The following GREB1L variants were observed in gnomAD, a reference collection of about 807,000 sequenced individuals.
GREB1L encodes the protein GREB1-like protein.
Under a neutral mutation model 200.8 loss-of-function variants are expected in GREB1L, and 17 were observed. That is an observed-to-expected ratio of 0.08 (90% CI 0.06 to 0.13). The LOEUF (loss-of-function observed/expected upper bound fraction) is 0.13, where lower values mean the gene tolerates loss of function less well. GREB1L is among the 10% of genes least tolerant of loss of function. GREB1L has a pLI of 1.00. For synonymous variants in GREB1L, 789 were observed against 893.0 expected (o/e 0.88, Z 2.08); for missense variants, 1,657 against 2,367.7 (o/e 0.70, Z 6.23).
intron 17 of GREB1L, among the ~76,000 whole-genome samples, chr18:21,481,182 G>A (rs1173916355): frequency 6.6e-6 from 1 of 152,046 alleles, no homozygotes; most frequent in Non-Finnish European, 1.5e-5. Flanking sequence ...AAGCTCCGTG[G>A]AAAAGAGAGA....
chr18:21,381,932 G>GT (rs1166308421), intron 2 of GREB1L, among the ~76,000 whole-genome samples: 1 of 152,200 alleles, frequency 6.6e-6, no homozygotes, highest in African/African-American at 2.4e-5. Context: ...CACATTCAGG[G>GT]TGATGGAGCA....
At chr18:21,389,351 T>TTTTC (rs10686798) in intron 4 of GREB1L, among the ~76,000 whole-genome samples, 114 of 145,644 alleles carry the variant, frequency 7.8e-4, no homozygotes, top group Middle Eastern at 3.6e-3. Context: ...TTTTTTTTTT[T>TTTTC]CATCAAATAG....
chr18:21,268,520 T>TACACAC (rs1223067944), intron 1 of GREB1L, among the ~76,000 whole-genome samples: 123 of 74,944 alleles, frequency 1.6e-3, no homozygotes, highest in East Asian at 3.6e-3. Flanking sequence ...TGTATATATA[T>TACACAC]ATACACACAC....
intron 1 of GREB1L, among the ~76,000 whole-genome samples, chr18:21,345,468 G>A (rs1462977089): frequency 6.6e-6 from 1 of 152,144 alleles, no homozygotes; most frequent in Non-Finnish European, 1.5e-5. Flanking sequence ...GAAGTATGAT[G>A]GATCTGTGTT....
intron 1 of GREB1L, among the ~76,000 whole-genome samples, chr18:21,307,547 G>T (rs2038719999): frequency 6.6e-6 from 1 of 152,070 alleles, no homozygotes; most frequent in Admixed American, 6.6e-5. Context: ...TCGTGAATTG[G>T]CACCTTGAAA....
At chr18:21,316,841 A>C (rs1174235171) in intron 1 of GREB1L, 3 of 148,280 alleles carry the variant, frequency 2.0e-5, no homozygotes, top group Non-Finnish European at 4.4e-5. Flanking sequence ...GCTCACTGCA[A>C]CCTCTGCCTC....
At chr18:21,363,296 C>CG (rs1598696076) in intron 1 of GREB1L, among the ~76,000 whole-genome samples, 1 of 111,934 alleles carries the variant, frequency 8.9e-6, no homozygotes, top group Non-Finnish European at 1.9e-5. Flanking sequence ...CGCCCCCCCC[C>CG]CCCCACACAC....
intron 15 of GREB1L, among the ~76,000 whole-genome samples, chr18:21,469,896 A>C (rs536489330): frequency 3.4e-4 from 51 of 152,206 alleles, no homozygotes; most frequent in African/African-American, 1.1e-3. Context: ...CAGTGAGACA[A>C]ACCTCTCCCA....
At chr18:21,501,820 C>G (rs2036807083) in intron 23 of GREB1L, among the ~76,000 whole-genome samples, 1 of 152,106 alleles carries the variant, frequency 6.6e-6, no homozygotes, top group African/African-American at 2.4e-5. Flanking sequence ...AATGCTGGCA[C>G]TATGAACAAA....
At chr18:21,505,105 A>G (rs1305482306) in intron 23 of GREB1L, among the ~76,000 whole-genome samples, 2 of 152,208 alleles carry the variant, frequency 1.3e-5, no homozygotes, top group African/African-American at 4.8e-5. Context: ...ATCTCAAGAC[A>G]GAAATAAGAT....
chr18:21,498,292 G>A (rs1322484832), intron 21 of GREB1L, among the ~76,000 whole-genome samples: 2 of 152,114 alleles, frequency 1.3e-5, no homozygotes, highest in African/African-American at 4.8e-5. Context: ...GGGGTTTGCT[G>A]TTGATAGTGA....
intron 1 of GREB1L, among the ~76,000 whole-genome samples, chr18:21,328,688 A>ATATGTGAG (rs775490705): frequency 1.3e-5 from 2 of 151,958 alleles, no homozygotes; most frequent in Non-Finnish European, 2.9e-5. Flanking sequence ...GCATATGTGA[A>ATATGTGAG]TATGTGTGCA....
intron 10 of GREB1L, among the ~76,000 whole-genome samples, chr18:21,444,003 C>G (rs560765146): frequency 5.3e-5 from 8 of 152,334 alleles, no homozygotes; most frequent in Admixed American, 1.3e-4. Context: ...CATAGAGGGC[C>G]AACTGTATTT....
chr18:21,343,133 GAA>G (rs544057615), intron 1 of GREB1L, among the ~76,000 whole-genome samples: 1 of 139,840 alleles, frequency 7.2e-6, no homozygotes, highest in Admixed American at 7.2e-5. Context: ...TTCTTATCTG[GAA>G]AAAAAAAAAA....
intron 16 of GREB1L, among the ~76,000 whole-genome samples, chr18:21,473,669 C>G (rs540448311): frequency 5.3e-5 from 8 of 152,002 alleles, no homozygotes; most frequent in Middle Eastern, 3.4e-3. Flanking sequence ...TAACTTTTTC[C>G]TACCCTTTTC....
intron 1 of GREB1L, among the ~76,000 whole-genome samples, chr18:21,252,372 A>G (rs184777573): frequency 3.6e-4 from 54 of 151,946 alleles, no homozygotes; most frequent in African/African-American, 1.3e-3. Flanking sequence ...AGCCTAACCA[A>G]CATGGAGAAA....
intron 1 of GREB1L, among the ~76,000 whole-genome samples, chr18:21,305,877 C>T (rs955358766): frequency 3.3e-5 from 5 of 152,154 alleles, no homozygotes; most frequent in Admixed American, 1.3e-4. Context: ...CTTAGCTGAT[C>T]TTTGTCCTGG....
intron 11 of GREB1L, among the ~76,000 whole-genome samples, chr18:21,445,474 CA>C (rs1047286177): frequency 7.0e-6 from 1 of 143,700 alleles, no homozygotes; most frequent in Non-Finnish European, 1.5e-5. Flanking sequence ...AACTCCATCT[CA>C]AAAAAAAAGA....
intron 7 of GREB1L, chr18:21,435,225 T>A (rs1008509453): frequency 2.6e-5 from 4 of 152,594 alleles, no homozygotes; most frequent in African/African-American, 9.6e-5. Flanking sequence ...AATAATGTAC[T>A]AGTGTATGAA....
Sources: allele counts gnomAD v4.1 joint callset (sites outside exome capture counted in the v4.1 genomes callset), GRCh38; gene constraint gnomAD v4.1.1; transcripts MANE v1.5; gene names NCBI Gene and HGNC (gene_info 2026-07-23, HGNC 2026-07-21).